The following CBLL1 variants were observed in gnomAD, a reference collection of about 807,000 sequenced individuals.
CBLL1 encodes the protein E3 ubiquitin-protein ligase Hakai.
A neutral mutation model predicts 44.9 loss-of-function variants in CBLL1; 4 were observed. That is an observed-to-expected ratio of 0.09 (90% CI 0.04 to 0.20). CBLL1 has a LOEUF of 0.20. Ranked by LOEUF, CBLL1 falls within the 10% of genes least tolerant of loss-of-function variation. The probability of loss-of-function intolerance (pLI) is 1.00; values close to 1 mark genes in which losing one functional copy is unlikely to be tolerated. For synonymous variants in CBLL1, 235 were observed against 202.2 expected, an observed-to-expected ratio of 1.16 and a Z score of -1.38; for missense variants, 569 against 636.7, an observed-to-expected ratio of 0.89 and a Z score of 1.14.
intron 2 of CBLL1, among the ~76,000 whole-genome samples, chr7:107,750,902 T>C (rs1022475254): frequency 9.2e-5 from 14 of 151,986 alleles, no homozygotes; most frequent in African/African-American, 3.1e-4. Context: ...ATTTACTATT[T>C]AGCATTTCAC....
At position 107,748,861 on chromosome 7, in the gene CBLL1, CT is replaced by C. The variant is rs559703675; in HGVS notation, c.14-11del. ...AAAGAAAAACTAAAAGAAATTACAA[CT>C]TTTTTTTCCTAACACAGACAATGAG... On this transcript the variant is annotated intron_variant, in intron 1 of 5. Transcript: ENST00000440859. 35 of 1,546,246 alleles carry C rather than the reference CT, an allele frequency of 2.3e-5. No homozygotes were observed. In the East Asian group the frequency reaches 5.3e-4, roughly 24 times the overall value.
chr7:107,747,631 T>C (rs1254655675), intron 1 of CBLL1, among the ~76,000 whole-genome samples: 2 of 152,230 alleles, frequency 1.3e-5, no homozygotes, highest in African/African-American at 4.8e-5. Flanking sequence ...TAGCTAACCA[T>C]GTAATTCCAC....
In CBLL1 at chr7:107,759,224, T is replaced by G; in HGVS notation, c.*46T>G. 6.7e-7 allele frequency: 1 copy of G among 1,488,482 alleles called. No homozygotes were observed. The highest frequency in any genetic ancestry group is 1.4e-5 in the African/African-American group (1 of 71,644). 92.2% of individuals were successfully genotyped at this position (1,488,482 alleles called of 1,614,324 possible). A position where few individuals can be genotyped will look rare whatever the true frequency, so the allele number is the denominator to read the frequency against. ...GATATGAGGGGGAAAAAAACTTATG[T>G]GTAGTCAATCTTTTAAGCTTTGACT... On this transcript the variant is annotated 3_prime_UTR_variant, in exon 6 of 6. Transcript: ENST00000440859.
At chr7:107,756,286 C>G (rs1793524267) in intron 5 of CBLL1, among the ~76,000 whole-genome samples, 1 of 152,086 alleles carries the variant, frequency 6.6e-6, no homozygotes, top group African/African-American at 2.4e-5. Flanking sequence ...TGATTGATAA[C>G]AAAGCTGTGG....
Position 107,748,898 on chromosome 7 carries a change from C to G in CBLL1, c.32C>G (p.Thr11Ser). 6.2e-7 allele frequency: 1 copy of G among 1,611,064 alleles called. No individual in the cohort carries two copies. The highest frequency in any genetic ancestry group is 8.5e-7 in the Non-Finnish European group (1 of 1,178,732). The change falls in exon 2 of 6, where the codon ACT (threonine) becomes AGT (serine). Residue 11 changes from threonine to serine, a missense_variant. Physicochemically the swap from Thr to Ser is moderately conservative, Grantham distance 58. Around this residue, in one of 5 missense-constraint regions of CBLL1, gnomAD observed 209 missense variants for 202.8 expected, o/e 1.03. Coordinates refer to ENST00000440859, the MANE Select transcript of CBLL1 (RefSeq NM_024814.4). MDHTDNELQG[T>S]NSSGSLGGLD... Reference sequence around the variant, plus strand: ...AACACAGACAATGAGTTACAAGGCACTAATAGTTCTGGATCCTTGGGTGGT... The same window carrying G: ...AACACAGACAATGAGTTACAAGGCAGTAATAGTTCTGGATCCTTGGGTGGT...
At chr7:107,750,253 T>C (rs994828170) in intron 2 of CBLL1, among the ~76,000 whole-genome samples, 3 of 152,064 alleles carry the variant, frequency 2.0e-5, no homozygotes, top group Non-Finnish European at 2.9e-5. Context: ...TGGCCTATAT[T>C]GTATATATTC....
At position 107,758,810 on chromosome 7, in the gene CBLL1, A is replaced by C; in HGVS notation, c.1108A>C (p.Ser370Arg). 6.2e-7 allele frequency: 1 copy of C among 1,613,348 alleles called. No homozygotes were observed. Among genetic ancestry groups the C allele is most frequent in the Non-Finnish European group, 8.5e-7 (1 of 1,179,778 alleles). ...TGCAGGTACTCCTCACTTGGTATAT[A>C]GCCAAGCTCCACCTCCACCAATGAC... ...QAAGTPHLVY[S>R]QAPPPPMTSA... Residue 370 changes from serine (S) to arginine (R), a missense_variant, in exon 6 of 6, where the codon AGC becomes CGC. By Grantham distance (110) the Ser-to-Arg change is moderately radical (BLOSUM62 -1). Around this residue, in one of 5 missense-constraint regions of CBLL1, gnomAD observed 228 missense variants for 253.2 expected, o/e 0.90. Coordinates refer to ENST00000440859, the MANE Select transcript of CBLL1 (RefSeq NM_024814.4). The surrounding 1 kb of genome is among the most constrained non-coding windows in gnomAD (Gnocchi z 4.2).
intron 2 of CBLL1, among the ~76,000 whole-genome samples, chr7:107,752,977 A>G (rs958445592): frequency 4.9e-4 from 75 of 152,228 alleles, no homozygotes; most frequent in Middle Eastern, 3.2e-3. Context: ...TGGCAATACA[A>G]TCAGTCTCTT....
At chr7:107,752,564 G>A (rs764958674) in intron 2 of CBLL1, 17 of 1,289,488 alleles carry the variant, frequency 1.3e-5, no homozygotes, top group Admixed American at 2.3e-5. Context: ...CAAAAGAGTC[G>A]TGAGAAGCCT....
chr7:107,744,254 AG>A, intron 1 of CBLL1, 78 bp downstream of exon 1: 1 of 1,451,584 alleles, frequency 6.9e-7, no homozygotes, highest in Non-Finnish European at 9.2e-7. Context: ...AGCAGGCAAA[AG>A]GGATTATGCT....
At chr7:107,752,516 C>G in intron 2 of CBLL1, 2 of 1,263,266 alleles carry the variant, frequency 1.6e-6, no homozygotes, top group Non-Finnish European at 1.0e-6. Flanking sequence ...AAAGTTAAAA[C>G]TTGTGTGCTT....
At chr7:107,752,189 ACT>A (rs1164798984) in intron 2 of CBLL1, among the ~76,000 whole-genome samples, 1 of 144,734 alleles carries the variant, frequency 6.9e-6, no homozygotes, top group Non-Finnish European at 1.5e-5. Context: ...ACAGAGTGAG[ACT>A]CTGTCTCAAA....
At chr7:107,748,439 A>G (rs1476813811) in intron 1 of CBLL1, among the ~76,000 whole-genome samples, 4 of 152,148 alleles carry the variant, frequency 2.6e-5, no homozygotes, top group East Asian at 1.9e-4. Flanking sequence ...CAGTTTACTA[A>G]ATTTATTTTC....
chr7:107,753,041 A>G (rs1469462685), intron 2 of CBLL1, among the ~76,000 whole-genome samples: 1 of 152,224 alleles, frequency 6.6e-6, no homozygotes, highest in Admixed American at 6.5e-5. Flanking sequence ...TATCTTAAAA[A>G]TTTGTGCAAC....
chr7:107,746,141 A>G (rs1022177576), intron 1 of CBLL1, among the ~76,000 whole-genome samples: 2 of 152,218 alleles, frequency 1.3e-5, no homozygotes, highest in African/African-American at 2.4e-5. Context: ...AATAGCAAAC[A>G]TTCAACTTTA....
Position 107,760,689 on chromosome 7 carries a change from A to G in CBLL1, c.*1511A>G, listed in dbSNP as rs917140834. 4 of 152,222 alleles carry G rather than the reference A, an allele frequency of 2.6e-5. No individual in the cohort carries two copies. The highest frequency in any genetic ancestry group is 5.9e-5 in the Non-Finnish European group (4 of 67,934). The allele number at this position is 152,222 out of a possible 1,614,324, so 9.4% of individuals were successfully genotyped here. On this transcript the variant is annotated 3_prime_UTR_variant, in exon 6 of 6. Transcript: ENST00000440859. ...AATATGTAGTATGCAGATATCATTT[A>G]TTAGATAGTTTGTAGTGTATACATT...
intron 1 of CBLL1, among the ~76,000 whole-genome samples, chr7:107,745,472 A>T (rs1417894558): frequency 6.6e-6 from 1 of 152,258 alleles, no homozygotes; most frequent in Non-Finnish European, 1.5e-5. Context: ...ATTGGAAAGG[A>T]GGGCAGCAGG....
At position 107,744,187 on chromosome 7, in the gene CBLL1, G is replaced by C. The variant is rs1215750276; in HGVS notation, c.13+11G>C. ...TCATGGATCACACTGGTAAGGAGGC[G>C]GAGGCAGTGGGGGTCCCGGTTCCAA... is the stretch of plus-strand genomic sequence containing the variant. On this transcript the variant is annotated intron_variant, in intron 1 of 5. Transcript: ENST00000440859. The C allele has an allele frequency of 3.9e-6, 6 of 1,548,524 alleles. No homozygotes were observed. In the South Asian group the frequency reaches 6.0e-5, roughly 15 times the overall value.
intron 1 of CBLL1, among the ~76,000 whole-genome samples, chr7:107,747,330 G>A (rs1793067167): frequency 6.6e-6 from 1 of 152,144 alleles, no homozygotes; most frequent in African/African-American, 2.4e-5. Flanking sequence ...ATTCACAAAG[G>A]TAAAACGATT....
Sources: gnomAD v4.1 joint callset for allele counts (sites outside exome capture counted in the v4.1 genomes callset) on GRCh38, gnomAD v4.1.1 for gene constraint, gnomAD v4.1.1 regional missense constraint, Gnocchi (gnomAD v3.1) non-coding constraint, MANE v1.5 for transcripts, NCBI Gene and HGNC (gene_info 2026-07-23, HGNC 2026-07-21) for gene names.